Variants in ILDR1 observed in about 807,000 individuals in gnomAD.
ILDR1 encodes the protein immunoglobulin like domain containing receptor 1, also known as immunoglobulin-like domain-containing receptor 1.
ILDR1 carries 56 observed loss-of-function variants against 62.4 expected under a neutral mutation model. The observed-to-expected ratio is 0.90, with a 90% CI of 0.72 to 1.12. The LOEUF (loss-of-function observed/expected upper bound fraction) is 1.12, where lower values mean the gene tolerates loss of function less well. Among genes scored for constraint, ILDR1 ranks in the 50% most tolerant of loss-of-function variants. The pLI is 0.00. For missense variants in ILDR1, 736 were observed against 710.6 expected, an observed-to-expected ratio of 1.04 and a Z score of -0.41; for synonymous variants, 284 against 277.8, an observed-to-expected ratio of 1.02 and a Z score of -0.22.
chr3:122,051,797 C>A, the ILDR1 span, among the ~76,000 whole-genome samples: 19,187 of 152,156 alleles, frequency 0.13, 1,703 homozygotes, highest in Admixed American at 0.29. Flanking sequence ...TGGGAAAGAC[C>A]TTCATAATCT....
chr3:122,022,295 G>C (rs1401997968), upstream of ILDR1: 1 of 438,550 alleles, frequency 2.3e-6, no homozygotes, highest in African/African-American at 2.2e-5. Context: ...CTCCCGCCCC[G>C]CGCGCCGCCG....
At chr3:122,058,958 C>T in the ILDR1 span, among the ~76,000 whole-genome samples, 1 of 151,990 alleles carries the variant, frequency 6.6e-6, no homozygotes, top group Non-Finnish European at 1.5e-5. Context: ...CAGATGTAGA[C>T]ACTGGGAGAG....
At chr3:122,001,995 C>T in intron 3 of ILDR1, 131 bp from the exon 4 acceptor site, 1 of 1,081,968 alleles carries the variant, frequency 9.2e-7, no homozygotes, top group Non-Finnish European at 1.3e-6. Context: ...AAAAAATTAT[C>T]CAGCCATGGT....
At chr3:122,044,745 T>G in the ILDR1 span, among the ~76,000 whole-genome samples, 1 of 152,046 alleles carries the variant, frequency 6.6e-6, no homozygotes, top group Non-Finnish European at 1.5e-5. Context: ...TTTGTATTTC[T>G]GTGGGATTGG....
At chr3:122,036,919 G>A in the ILDR1 span, among the ~76,000 whole-genome samples, 4 of 152,356 alleles carry the variant, frequency 2.6e-5, no homozygotes, top group African/African-American at 9.6e-5. Context: ...CTCCAGCCAT[G>A]GCTAAAAGGG....
intron 3 of ILDR1, among the ~76,000 whole-genome samples, chr3:122,004,538 TG>T (rs2071575207): frequency 6.6e-6 from 1 of 152,212 alleles, no homozygotes; most frequent in Non-Finnish European, 1.5e-5. Context: ...CACCCGCACC[TG>T]ACTCCAGAGT....
the ILDR1 span, among the ~76,000 whole-genome samples, chr3:122,031,011 C>A: frequency 2.0e-5 from 3 of 152,326 alleles, no homozygotes; most frequent in African/African-American, 7.2e-5. Flanking sequence ...TCTTTGCTAA[C>A]TTTCTCTTTT....
At chr3:122,044,650 G>A in the ILDR1 span, among the ~76,000 whole-genome samples, 1 of 151,200 alleles carries the variant, frequency 6.6e-6, no homozygotes, top group South Asian at 2.1e-4. Context: ...TCTTGGGAGA[G>A]TGTATGTGTT....
At chr3:122,042,076 C>T in the ILDR1 span, among the ~76,000 whole-genome samples, 1 of 104,182 alleles carries the variant, frequency 9.6e-6, no homozygotes, top group Non-Finnish European at 1.9e-5. Context: ...CTCCCCCCAC[C>T]CCACCACAGT....
chr3:122,055,529 A>G, the ILDR1 span: 13 of 1,612,772 alleles, frequency 8.1e-6, no homozygotes, highest in Admixed American at 1.5e-4. Flanking sequence ...TATTCTTTGC[A>G]GAGAAGTTAT....
intron 7 of ILDR1, among the ~76,000 whole-genome samples, chr3:121,992,783 G>A (rs541568463): frequency 2.8e-4 from 43 of 152,300 alleles, no homozygotes; most frequent in African/African-American, 9.9e-4. Flanking sequence ...GTGAAGGAAG[G>A]TGAGGCTCTA....
At chr3:122,027,863 A>G in the ILDR1 span, among the ~76,000 whole-genome samples, 2 of 152,232 alleles carry the variant, frequency 1.3e-5, no homozygotes, top group Non-Finnish European at 2.9e-5. Context: ...TCCAATTTAT[A>G]GCCAGACGGT....
chr3:122,013,393 G>A (rs1203336487), intron 1 of ILDR1, among the ~76,000 whole-genome samples: 1 of 152,114 alleles, frequency 6.6e-6, no homozygotes, highest in Non-Finnish European at 1.5e-5. Context: ...GAGGGTGAAG[G>A]CAGGTCTTTG....
At chr3:122,029,891 A>G in the ILDR1 span, among the ~76,000 whole-genome samples, 3 of 152,234 alleles carry the variant, frequency 2.0e-5, no homozygotes, top group Non-Finnish European at 4.4e-5. Flanking sequence ...TTTTTAATCT[A>G]CAAAATGGAA....
At chr3:122,049,550 G>GTGTTCTGA in the ILDR1 span, among the ~76,000 whole-genome samples, 1 of 151,998 alleles carries the variant, frequency 6.6e-6, no homozygotes, top group East Asian at 1.9e-4. Context: ...ATATACTTAG[G>GTGTTCTGA]TGTTCTGATG....
intron 1 of ILDR1, among the ~76,000 whole-genome samples, chr3:122,012,711 A>T (rs1336643931): frequency 1.3e-5 from 2 of 152,208 alleles, no homozygotes; most frequent in African/African-American, 4.8e-5. Flanking sequence ...GCACATATAG[A>T]CATTCAACAA....
the ILDR1 span, among the ~76,000 whole-genome samples, chr3:122,035,472 A>G: frequency 1.3e-5 from 2 of 151,970 alleles, no homozygotes; most frequent in African/African-American, 2.4e-5. Flanking sequence ...TATGTTTTGG[A>G]TTTGTGTCCC....
chr3:121,990,811 G>A (rs374943973), intron 7 of ILDR1, among the ~76,000 whole-genome samples: 2 of 152,150 alleles, frequency 1.3e-5, no homozygotes, highest in East Asian at 1.9e-4. Flanking sequence ...GAATCAAAGC[G>A]CAATTCAAAC....
At chr3:121,989,405 C>G (rs147976498) in intron 7 of ILDR1, among the ~76,000 whole-genome samples, 2 of 152,174 alleles carry the variant, frequency 1.3e-5, no homozygotes, top group South Asian at 4.1e-4. Flanking sequence ...AACATTAAAT[C>G]AAAAAGTCAA....
Sources: allele counts gnomAD v4.1 joint callset (sites outside exome capture counted in the v4.1 genomes callset), GRCh38; gene constraint gnomAD v4.1.1; transcripts MANE v1.5; gene names NCBI Gene and HGNC (gene_info 2026-07-23, HGNC 2026-07-21).